Variants in MYO1D observed in about 807,000 individuals in gnomAD.
The protein encoded by MYO1D is myosin ID.
MYO1D carries 83 observed loss-of-function variants against 122.0 expected under a neutral mutation model. The observed-to-expected ratio is 0.68, with a 90% CI of 0.57 to 0.82. MYO1D has a LOEUF of 0.82. Among genes scored for constraint, MYO1D ranks in the 40% least tolerant of loss-of-function variants. The probability of loss-of-function intolerance (pLI) is 0.00; values close to 1 mark genes in which losing one functional copy is unlikely to be tolerated. For synonymous variants in MYO1D, 464 were observed against 446.9 expected (o/e 1.04, Z -0.48); for missense variants, 1,157 against 1,269.5 (o/e 0.91, Z 1.35).
intron 8 of MYO1D, among the ~76,000 whole-genome samples, chr17:32,762,425 C>T (rs186393025): frequency 6.6e-6 from 1 of 152,052 alleles, no homozygotes; most frequent in Admixed American, 6.6e-5. Flanking sequence ...TTCAAATCAT[C>T]CTCCTCTCCC....
chr17:32,602,720 T>C (rs1465790110), intron 21 of MYO1D: 1 of 152,282 alleles, frequency 6.6e-6, no homozygotes, highest in Non-Finnish European at 1.5e-5. Context: ...CATCTCAGAA[T>C]GTACTTTAGG....
intron 1 of MYO1D, among the ~76,000 whole-genome samples, chr17:32,781,341 G>A (rs181845576): frequency 2.6e-5 from 4 of 152,120 alleles, no homozygotes; most frequent in African/African-American, 4.8e-5. Context: ...CCATGGTGTC[G>A]ATATATCATT....
chr17:32,790,236 C>T (rs1451621202), intron 1 of MYO1D, among the ~76,000 whole-genome samples: 1 of 152,212 alleles, frequency 6.6e-6, no homozygotes. Context: ...TCTTACTCTG[C>T]ATTCCTAGCC....
chr17:32,795,390 G>T (rs1344924306), intron 1 of MYO1D, among the ~76,000 whole-genome samples: 1 of 151,700 alleles, frequency 6.6e-6, no homozygotes, highest in Non-Finnish European at 1.5e-5. Context: ...TAAAGAGACA[G>T]GAGATATCTG....
intron 21 of MYO1D, among the ~76,000 whole-genome samples, chr17:32,589,608 G>A (rs1449616671): frequency 6.6e-6 from 1 of 152,102 alleles, no homozygotes; most frequent in African/African-American, 2.4e-5. Context: ...CCCAAGCTCC[G>A]CCTCCTCCTC....
intron 8 of MYO1D, among the ~76,000 whole-genome samples, chr17:32,762,164 G>T (rs1352249754): frequency 6.6e-6 from 1 of 151,920 alleles, no homozygotes; most frequent in Non-Finnish European, 1.5e-5. Context: ...AGCAAGAGAG[G>T]AGAGAAGAGC....
At chr17:32,786,390 G>C (rs1375125992) in intron 1 of MYO1D, among the ~76,000 whole-genome samples, 5 of 152,230 alleles carry the variant, frequency 3.3e-5, no homozygotes, top group African/African-American at 1.2e-4. Flanking sequence ...GACATACATA[G>C]GGAACTTGCT....
At chr17:32,574,054 G>A (rs1284199364) in intron 21 of MYO1D, among the ~76,000 whole-genome samples, 5 of 151,102 alleles carry the variant, frequency 3.3e-5, no homozygotes, top group African/African-American at 9.7e-5. Flanking sequence ...GGGTTTCACC[G>A]TGTTAGCCAG....
At chr17:32,578,846 C>G (rs1202750046) in intron 21 of MYO1D, among the ~76,000 whole-genome samples, 1 of 152,094 alleles carries the variant, frequency 6.6e-6, no homozygotes, top group East Asian at 1.9e-4. Flanking sequence ...AGGGGTCCAT[C>G]CTGGCCCCTT....
At position 32,739,867 on chromosome 17, in the gene MYO1D, T is replaced by C. The variant is rs371022053; in HGVS notation, c.1614-1482A>G. ...GCAGAGCGAAGAAGACAAATGGTAATGTGTGGATTGACTGGGTCTGTGAAC... is the reference window on the plus strand; with the variant it reads ...GCAGAGCGAAGAAGACAAATGGTAACGTGTGGATTGACTGGGTCTGTGAAC... On this transcript the variant is annotated intron_variant, in intron 13 of 21. Transcript: ENST00000318217. 9.2e-5 allele frequency among the ~76,000 whole-genome samples: 14 copies of C among 152,284 alleles called. No individual in the cohort carries two copies. The South Asian group carries it at 1.7e-3, about 18-fold the overall frequency.
chr17:32,533,132 T>A (rs1910563442), intron 21 of MYO1D, among the ~76,000 whole-genome samples: 1 of 152,196 alleles, frequency 6.6e-6, no homozygotes, highest in Non-Finnish European at 1.5e-5. Context: ...ATTTTTTAGA[T>A]CTATGGCAAA....
At chr17:32,761,789 T>C (rs1473742763) in intron 8 of MYO1D, among the ~76,000 whole-genome samples, 1 of 152,170 alleles carries the variant, frequency 6.6e-6, no homozygotes, top group Non-Finnish European at 1.5e-5. Flanking sequence ...CTCTTGATCT[T>C]TCCTCTTCCA....
At chr17:32,853,487 T>C (rs1277950450) in intron 1 of MYO1D, among the ~76,000 whole-genome samples, 1 of 152,198 alleles carries the variant, frequency 6.6e-6, no homozygotes, top group Admixed American at 6.5e-5. Context: ...AAGCTTCCGT[T>C]TACCTCCCAG....
rs138148405 is a variant in MYO1D, at chr17:32,561,063, C to T, written c.2864+44024G>A. Among the ~76,000 whole-genome samples the T allele has an allele frequency of 4.7e-3, 709 of 151,902 alleles. 4 individuals are homozygous for T. The highest frequency in any genetic ancestry group is 0.016 in the African/African-American group (678 of 41,424). On this transcript the variant is annotated intron_variant, in intron 21 of 21. Coordinates refer to ENST00000318217, the MANE Select transcript of MYO1D (RefSeq NM_015194.3). ...AGTAGCTAGGATTACAGGCACCTGC[C>T]ACCACGCCCGGCTAATTTTTGTATT...
chr17:32,584,599 G>C (rs1452129498), intron 21 of MYO1D, among the ~76,000 whole-genome samples: 1 of 151,182 alleles, frequency 6.6e-6, no homozygotes, highest in Non-Finnish European at 1.5e-5. Context: ...CCTCCTGCCT[G>C]CCTCAGCCTT....
At chr17:32,778,192 C>T (rs930874412) in intron 3 of MYO1D, among the ~76,000 whole-genome samples, 1 of 152,200 alleles carries the variant, frequency 6.6e-6, no homozygotes, top group African/African-American at 2.4e-5. Context: ...AGGATGGGAA[C>T]ACTTTCAACT....
At chr17:32,582,166 C>T (rs553286213) in intron 21 of MYO1D, among the ~76,000 whole-genome samples, 12 of 152,232 alleles carry the variant, frequency 7.9e-5, no homozygotes, top group Non-Finnish European at 1.5e-4. Context: ...CCACCTGCCT[C>T]GGCCTCCCAG....
chr17:32,792,482 A>G (rs2090363922), intron 1 of MYO1D: 1 of 152,234 alleles, frequency 6.6e-6, no homozygotes. Flanking sequence ...TTCTTAGATG[A>G]GAATCTCTCC....
chr17:32,607,146 C>T (rs187622491), intron 20 of MYO1D, among the ~76,000 whole-genome samples: 320 of 151,538 alleles, frequency 2.1e-3, no homozygotes, highest in Non-Finnish European at 3.7e-3. Context: ...GGCAACAGAG[C>T]GAGACTCCAT....
Sources: gnomAD v4.1 joint callset for allele counts (sites outside exome capture counted in the v4.1 genomes callset) on GRCh38, gnomAD v4.1.1 for gene constraint, MANE v1.5 for transcripts, NCBI Gene and HGNC (gene_info 2026-07-23, HGNC 2026-07-21) for gene names.